EBF1: variants seen among roughly 807,000 people sequenced by gnomAD.
EBF1 encodes the protein EBF transcription factor 1.
A neutral mutation model predicts 68.4 loss-of-function variants in EBF1; 10 were observed. That is an observed-to-expected ratio of 0.15 (90% confidence interval 0.09 to 0.25). The LOEUF (loss-of-function observed/expected upper bound fraction) is 0.25, where lower values mean the gene tolerates loss of function less well. Among genes scored for constraint, EBF1 ranks in the 10% least tolerant of loss-of-function variants. The pLI is 1.00. For synonymous variants in EBF1, 298 were observed against 299.8 expected (o/e 0.99, Z 0.06); for missense variants, 509 against 794.4 (o/e 0.64, Z 4.32).
intron 6 of EBF1, among the ~76,000 whole-genome samples, chr5:158,975,413 T>TC (rs1382816350): frequency 6.6e-6 from 1 of 152,210 alleles, no homozygotes; most frequent in Non-Finnish European, 1.5e-5. Context: ...GAAAAATAGA[T>TC]CAGATCAGTG....
At chr5:158,969,684 AG>A (rs1490190017) in intron 6 of EBF1, among the ~76,000 whole-genome samples, 1 of 151,116 alleles carries the variant, frequency 6.6e-6, no homozygotes, top group Non-Finnish European at 1.5e-5. Context: ...CTGAGGTGGG[AG>A]GATCACTTGA....
intron 6 of EBF1, among the ~76,000 whole-genome samples, chr5:158,951,775 C>A (rs1025391655): frequency 1.3e-5 from 2 of 152,184 alleles, no homozygotes; most frequent in African/African-American, 4.8e-5. Context: ...TGCTTATCCA[C>A]TACGAAGAGT....
At chr5:158,847,402 G>T (rs146239962) in intron 6 of EBF1, among the ~76,000 whole-genome samples, 9 of 152,158 alleles carry the variant, frequency 5.9e-5, no homozygotes, top group Non-Finnish European at 7.4e-5. Flanking sequence ...CTAACCAGTT[G>T]CCAATGGGGA....
At chr5:159,098,678 G>A (rs980469058) in intron 1 of EBF1, among the ~76,000 whole-genome samples, 1 of 149,840 alleles carries the variant, frequency 6.7e-6, no homozygotes. Context: ...AGAAGGAAAT[G>A]AAAGAAAGAA....
intron 7 of EBF1, among the ~76,000 whole-genome samples, chr5:158,826,289 C>A (rs1174404338): frequency 6.6e-6 from 1 of 152,186 alleles, no homozygotes; most frequent in Admixed American, 6.6e-5. Flanking sequence ...CCTTTACTTT[C>A]TAGAACTGCA....
chr5:158,855,565 C>T (rs1306733942), intron 6 of EBF1, among the ~76,000 whole-genome samples: 9 of 152,224 alleles, frequency 5.9e-5, no homozygotes, highest in Admixed American at 5.9e-4. Context: ...CCCTTCAGGT[C>T]TCTGAGATGT....
At chr5:158,848,304 T>C (rs928625709) in intron 6 of EBF1, among the ~76,000 whole-genome samples, 5 of 99,074 alleles carry the variant, frequency 5.0e-5, no homozygotes, top group South Asian at 6.0e-4. Flanking sequence ...CGTGGGATCA[T>C]TGACCATTCT....
chr5:158,974,660 A>T lies in EBF1; in HGVS notation c.554+98736T>A, dbSNP rs544866153. On this transcript the variant is annotated intron_variant, in intron 6 of 15. Transcript: ENST00000313708. ...ACATTTTTTAAAATGTGTGTATTAT[A>T]AAAATGTTTTAAAATGAAAACTATT... 2.0e-5 allele frequency among the ~76,000 whole-genome samples: 3 copies of T among 152,352 alleles called. No individual in the cohort carries two copies. The South Asian group carries it at 6.2e-4, about 32-fold the overall frequency.
intron 6 of EBF1, among the ~76,000 whole-genome samples, chr5:159,033,832 C>T (rs1364074221): frequency 6.6e-6 from 1 of 152,088 alleles, no homozygotes; most frequent in Non-Finnish European, 1.5e-5. Context: ...AGGATTGATT[C>T]CTCTTTAAGA....
chr5:159,089,314 G>A (rs1384140963), intron 4 of EBF1, among the ~76,000 whole-genome samples: 2 of 152,028 alleles, frequency 1.3e-5, no homozygotes, highest in African/African-American at 2.4e-5. Context: ...AATTCTAAAC[G>A]CTCAATTATA....
chr5:158,917,050 G>A (rs1415191430), intron 6 of EBF1, among the ~76,000 whole-genome samples: 3 of 152,144 alleles, frequency 2.0e-5, no homozygotes, highest in Admixed American at 6.5e-5. Context: ...CTCTTCACTA[G>A]TGTCCTGCCT....
intron 11 of EBF1, among the ~76,000 whole-genome samples, chr5:158,721,365 G>A (rs980144238): frequency 6.6e-6 from 1 of 152,038 alleles, no homozygotes; most frequent in African/African-American, 2.4e-5. Flanking sequence ...TAACTTACGT[G>A]ATTGACTTTT....
At chr5:158,943,410 G>A (rs892431572) in intron 6 of EBF1, among the ~76,000 whole-genome samples, 4 of 152,106 alleles carry the variant, frequency 2.6e-5, no homozygotes, top group Non-Finnish European at 5.9e-5. Flanking sequence ...GAAAAAAGCA[G>A]TGCTCCTTTG....
chr5:159,073,557 T>C (rs1026463180), intron 5 of EBF1, 93 bp from the exon 6 acceptor site: 4 of 1,380,116 alleles, frequency 2.9e-6, no homozygotes, highest in Admixed American at 1.7e-5. Context: ...GGGTTGCAAA[T>C]GCTAGAATTA....
intron 8 of EBF1, among the ~76,000 whole-genome samples, chr5:158,815,583 T>G (rs2127816895): frequency 6.6e-6 from 1 of 152,316 alleles, no homozygotes; most frequent in African/African-American, 2.4e-5. Context: ...CTGGCCTGGT[T>G]ACTGTCAAGT....
intron 6 of EBF1, among the ~76,000 whole-genome samples, chr5:158,888,549 TCTATGA>T (rs1206269469): frequency 6.6e-6 from 1 of 152,174 alleles, no homozygotes; most frequent in African/African-American, 2.4e-5. Flanking sequence ...GAAAACATTT[TCTATGA>T]CTATATCTTT....
intron 6 of EBF1, among the ~76,000 whole-genome samples, chr5:158,978,797 T>TACACAC (rs57930371): frequency 0.015 from 2,133 of 142,962 alleles, 24 homozygotes; most frequent in Non-Finnish European, 0.021. Flanking sequence ...CACACACACA[T>TACACAC]ACACACACAC....
intron 8 of EBF1, among the ~76,000 whole-genome samples, chr5:158,807,469 C>T (rs1781804926): frequency 6.6e-6 from 1 of 152,118 alleles, no homozygotes; most frequent in South Asian, 2.1e-4. Flanking sequence ...TCCAGGTTTT[C>T]ATATAATCTC....
chr5:159,047,234 G>C (rs1007059091), intron 6 of EBF1, among the ~76,000 whole-genome samples: 8 of 152,226 alleles, frequency 5.3e-5, no homozygotes, highest in Non-Finnish European at 8.8e-5. Context: ...GCTTCTCAGA[G>C]AGGAAGGAAT....
Sources: allele counts gnomAD v4.1 joint callset (sites outside exome capture counted in the v4.1 genomes callset), GRCh38; gene constraint gnomAD v4.1.1; transcripts MANE v1.5; gene names NCBI Gene and HGNC (gene_info 2026-07-23, HGNC 2026-07-21).